Variants in INSIG2 observed in about 807,000 individuals in gnomAD.
INSIG2 encodes insulin-induced gene 2 protein.
A neutral mutation model predicts 27.2 loss-of-function variants in INSIG2; 10 were observed. The ratio of observed to expected loss-of-function variants is 0.37; its 90% confidence interval spans 0.23 to 0.62. The LOEUF (loss-of-function observed/expected upper bound fraction) is 0.62. Ranked by LOEUF, INSIG2 falls within the 20% of genes least tolerant of loss-of-function variation. INSIG2 has a pLI of 0.65. For synonymous variants in INSIG2, 97 were observed against 95.8 expected (o/e 1.01, Z -0.07); for missense variants, 178 against 270.2 (o/e 0.66, Z 2.39).
intron 1 of INSIG2, among the ~76,000 whole-genome samples, chr2:118,095,365 T>C (rs1352507975): frequency 6.6e-6 from 1 of 152,230 alleles, no homozygotes; most frequent in Non-Finnish European, 1.5e-5. Flanking sequence ...GGAGTCAGAC[T>C]GCATGGTTTT....
intron 3 of INSIG2, among the ~76,000 whole-genome samples, chr2:118,105,656 A>C (rs1201848234): frequency 6.6e-6 from 1 of 152,232 alleles, no homozygotes; most frequent in African/African-American, 2.4e-5. Context: ...AGATTCTGAG[A>C]AATAAGCAAG....
Position 118,110,821 on chromosome 2 carries a change from C to G in INSIG2, c.*2499C>G, listed in dbSNP as rs953122579. The G allele has an allele frequency of 4.6e-5, 7 of 151,988 alleles. No homozygotes were observed. The highest frequency in any genetic ancestry group is 1.0e-4 in the Non-Finnish European group (7 of 67,970). 9.4% of individuals were successfully genotyped at this position (151,988 alleles called of 1,614,324 possible). A position where few individuals can be genotyped will look rare whatever the true frequency, so the allele number is the denominator to read the frequency against. On this transcript the variant is annotated 3_prime_UTR_variant, in exon 6 of 6. Transcript: ENST00000245787. ...TCTACAAAAGTGCAAGAAAACAATTCAAATTAGCCAGAGCCCTGCTAAAAC... is the reference window on the plus strand; with the variant it reads ...TCTACAAAAGTGCAAGAAAACAATTGAAATTAGCCAGAGCCCTGCTAAAAC...
At position 118,109,791 on chromosome 2, in the gene INSIG2, G is replaced by A. The variant is rs1220219432; in HGVS notation, c.*1469G>A. 4.6e-5 allele frequency: 7 copies of A among 152,204 alleles called. No homozygotes were observed. In the South Asian group the frequency reaches 1.5e-3, roughly 32 times the overall value. 9.4% of individuals were successfully genotyped at this position (152,204 alleles called of 1,614,324 possible). The stretch of plus-strand genomic sequence containing the variant: ...GCTGAAGGTGTGAAAATCCTAAGAG[G>A]ATTTCATATTGAATATGTGTACACA... On this transcript the variant is annotated 3_prime_UTR_variant, in exon 6 of 6. Coordinates refer to ENST00000245787, the MANE Select transcript of INSIG2 (RefSeq NM_016133.4).
rs11407321 is a variant in INSIG2, at chr2:118,108,457, G to GA, written c.*136dup. The GA allele has an allele frequency of 0.31, 182,151 of 589,240 alleles. 29,720 individuals are homozygous for GA. Among genetic ancestry groups the GA allele is most frequent in the East Asian group, 0.34 (11,116 of 32,678 alleles). 36.5% of individuals were successfully genotyped at this position (589,240 alleles called of 1,614,324 possible). On this transcript the variant is annotated 3_prime_UTR_variant, in exon 6 of 6. Transcript: ENST00000245787. ...CTTGATTGGCGTGTGTGTATATATG[G>GA]ATAAATATATATATACACACACACA... is the stretch of plus-strand genomic sequence containing the variant.
In INSIG2 at chr2:118,089,046, C is replaced by T. The variant is rs369768043; in HGVS notation, c.-139+505C>T. Among the ~76,000 whole-genome samples the T allele has an allele frequency of 4.0e-4, 61 of 152,208 alleles. No homozygotes were observed. The South Asian group carries it at 0.012, about 31-fold the overall frequency. The stretch of plus-strand genomic sequence containing the variant: ...AGGAGTAATACTCTGGCATTTTTGA[C>T]TGGAATTGGTTACCTATGGAATAGG... On this transcript the variant is annotated intron_variant, in intron 1 of 5. Transcript: ENST00000245787.
intron 1 of INSIG2, among the ~76,000 whole-genome samples, chr2:118,090,092 CTG>C (rs1678189605): frequency 2.6e-5 from 4 of 152,214 alleles, no homozygotes; most frequent in Admixed American, 1.3e-4. Flanking sequence ...TGATTTAAGT[CTG>C]TTTTTTTCTA....
chr2:118,108,470 A>G lies in INSIG2; in HGVS notation c.*148A>G. 1 of 549,862 alleles carries G rather than the reference A, an allele frequency of 1.8e-6. No individual in the cohort carries two copies. The highest frequency in any genetic ancestry group is 3.3e-6 in the Non-Finnish European group (1 of 306,260). The allele number at this position is 549,862 out of a possible 1,614,324, so 34.1% of individuals were successfully genotyped here. A position where few individuals can be genotyped will look rare whatever the true frequency, so the allele number is the denominator to read the frequency against. ...TGTGTATATATGGATAAATATATATATACACACACACATATTACTGCAATC... is the reference window on the plus strand; with the variant it reads ...TGTGTATATATGGATAAATATATATGTACACACACACATATTACTGCAATC... On this transcript the variant is annotated 3_prime_UTR_variant, in exon 6 of 6. Coordinates refer to ENST00000245787, the MANE Select transcript of INSIG2 (RefSeq NM_016133.4).
At chr2:118,108,090 A>C (rs948580946) in intron 5 of INSIG2, among the ~76,000 whole-genome samples, 191 bp from the exon 6 acceptor site, 1 of 152,140 alleles carries the variant, frequency 6.6e-6, no homozygotes, top group Non-Finnish European at 1.5e-5. Flanking sequence ...TCACTTCCAG[A>C]ATGTGAATTA....
chr2:118,102,188 C>T (rs1347505225), intron 2 of INSIG2, among the ~76,000 whole-genome samples: 2 of 152,116 alleles, frequency 1.3e-5, no homozygotes, highest in Non-Finnish European at 2.9e-5. Context: ...TCTTTATTGC[C>T]AGAATGGCAC....
At chr2:118,089,300 A>T (rs145984304) in intron 1 of INSIG2, among the ~76,000 whole-genome samples, 82 of 152,280 alleles carry the variant, frequency 5.4e-4, no homozygotes, top group African/African-American at 1.8e-3. Context: ...GCTCTAGGAA[A>T]ATATACCATG....
intron 3 of INSIG2, among the ~76,000 whole-genome samples, chr2:118,106,326 G>A (rs1678671614): frequency 6.6e-6 from 1 of 152,210 alleles, no homozygotes; most frequent in Admixed American, 6.5e-5. Context: ...AAACCTGTTG[G>A]AGAAGTAATA....
Position 118,109,853 on chromosome 2 carries a change from TTTA to T in INSIG2, c.*1539_*1541del, listed in dbSNP as rs553222295. The T allele has an allele frequency of 0.011, 1,629 of 152,626 alleles. 16 individuals are homozygous for T. Among genetic ancestry groups the T allele is most frequent in the Non-Finnish European group, 0.018 (1,228 of 68,022 alleles). 9.5% of individuals were successfully genotyped at this position (152,626 alleles called of 1,614,324 possible). On this transcript the variant is annotated 3_prime_UTR_variant, in exon 6 of 6. Coordinates refer to ENST00000245787, the MANE Select transcript of INSIG2 (RefSeq NM_016133.4). ...CGTGGTGGAAAACATACTACTATAA[TTTA>T]TTATTATATCTTCCAGATAATGTTA...
At chr2:118,105,339 C>T (rs959600557) in intron 3 of INSIG2, among the ~76,000 whole-genome samples, 2 of 152,222 alleles carry the variant, frequency 1.3e-5, no homozygotes, top group African/African-American at 4.8e-5. Context: ...CCGCACCTGG[C>T]CCATATGGCA....
In INSIG2 at chr2:118,091,897, T is replaced by C. The variant is rs888117304; in HGVS notation, c.-139+3356T>C. ...AGTGGCTCTCATTGTGGGGACAGTT[T>C]TGGTTATCACAAATAGGGGAGGGGG... is the stretch of plus-strand genomic sequence containing the variant. On this transcript the variant is annotated intron_variant, in intron 1 of 5. Coordinates refer to ENST00000245787, the MANE Select transcript of INSIG2 (RefSeq NM_016133.4). Among the ~76,000 whole-genome samples, 13 of 152,140 alleles carry C rather than the reference T, an allele frequency of 8.5e-5. No individual in the cohort carries two copies. The South Asian group carries it at 2.7e-3, about 32-fold the overall frequency.
At position 118,109,954 on chromosome 2, in the gene INSIG2, AAGG is replaced by A. The variant is rs1558839253; in HGVS notation, c.*1633_*1635del. On this transcript the variant is annotated 3_prime_UTR_variant, in exon 6 of 6. Coordinates refer to ENST00000245787, the MANE Select transcript of INSIG2 (RefSeq NM_016133.4). The stretch of plus-strand genomic sequence containing the variant: ...CACTATAAAATCTTTAATAAGTTAT[AAGG>A]TCTATGATGTGTTTACTTTAAAAAT... The A allele has an allele frequency of 6.6e-6, 1 of 152,626 alleles. No homozygotes were observed. Among genetic ancestry groups the A allele is most frequent in the African/African-American group, 2.4e-5 (1 of 41,452 alleles). The allele number at this position is 152,626 out of a possible 1,614,324, so 9.5% of individuals were successfully genotyped here.
rs186669164 is a variant in INSIG2, at chr2:118,096,229, G to A, written c.-138-190G>A. Among the ~76,000 whole-genome samples, 246 of 152,090 alleles carry A rather than the reference G, an allele frequency of 1.6e-3. 1 individual carries two copies. Among genetic ancestry groups the A allele is most frequent in the African/African-American group, 5.5e-3 (227 of 41,498 alleles). ...AGGGTAGTACTTTATTTTTTATTAC[G>A]TCTTGCATATAAAAATACTTTTAAA... On this transcript the variant is annotated intron_variant, in intron 1 of 5. Coordinates refer to ENST00000245787, the MANE Select transcript of INSIG2 (RefSeq NM_016133.4).
At chr2:118,093,941 T>G (rs112856336) in intron 1 of INSIG2, among the ~76,000 whole-genome samples, 887 of 7,022 alleles carry the variant, frequency 0.13, 68 homozygotes, top group South Asian at 0.15. Flanking sequence ...ATGATGATGA[T>G]GAGGAGGAGG....
chr2:118,103,085 T>G lies in INSIG2; in HGVS notation c.245-112T>G, dbSNP rs913438878. ...GTGAAATAACTTTTTTTTTTGTTTT[T>G]TTTTTTTTAAGAATCTTTAAAATGC... On this transcript the variant is annotated intron_variant, in intron 2 of 5. Coordinates refer to ENST00000245787, the MANE Select transcript of INSIG2 (RefSeq NM_016133.4). The G allele has an allele frequency of 1.2e-4, 117 of 1,007,094 alleles. No homozygotes were observed. The African/African-American group carries it at 1.7e-3, about 14-fold the overall frequency. The allele number at this position is 1,007,094 out of a possible 1,614,324, so 62.4% of individuals were successfully genotyped here.
At chr2:118,096,848 T>C (rs753995468) in intron 2 of INSIG2, 48 bp downstream of exon 2, 2 of 1,588,206 alleles carry the variant, frequency 1.3e-6, no homozygotes, top group South Asian at 2.2e-5. Context: ...ATAGGGTAAA[T>C]GAGTATGGAC....
Sources: allele counts gnomAD v4.1 joint callset (sites outside exome capture counted in the v4.1 genomes callset), GRCh38; gene constraint gnomAD v4.1.1; transcripts MANE v1.5; gene names NCBI Gene and HGNC (gene_info 2026-07-23, HGNC 2026-07-21).